The following PHLPP1 variants were observed in gnomAD, a reference collection of about 807,000 sequenced individuals.
The protein encoded by PHLPP1 is PH domain leucine-rich repeat-containing protein phosphatase 1.
Under a neutral mutation model 117.2 loss-of-function variants are expected in PHLPP1, and 42 were observed. The observed-to-expected ratio is 0.36, with a 90% CI of 0.28 to 0.46. PHLPP1 has a LOEUF of 0.46. Ranked by LOEUF, PHLPP1 falls within the 20% of genes least tolerant of loss-of-function variation. The pLI, the probability that PHLPP1 is intolerant of heterozygous loss-of-function variation, is 1.00. For missense variants in PHLPP1, 2,084 were observed against 2,241.9 expected (o/e 0.93, Z 1.42); for synonymous variants, 1,042 against 970.7 (o/e 1.07, Z -1.37).
chr18:62,854,102 G>A (rs1023698795), intron 3 of PHLPP1, among the ~76,000 whole-genome samples: 1 of 152,288 alleles, frequency 6.6e-6, no homozygotes, highest in African/African-American at 2.4e-5. Context: ...ATACTGTTAA[G>A]CTGGTGCCCT....
chr18:62,965,220 G>GT (rs1599144754), intron 14 of PHLPP1, among the ~76,000 whole-genome samples: 1 of 152,174 alleles, frequency 6.6e-6, no homozygotes, highest in African/African-American at 2.4e-5. Flanking sequence ...GTTTTTTGGT[G>GT]TTTTTTGTTT....
Position 62,952,183 on chromosome 18 carries a change from T to C in PHLPP1, c.3325-6446T>C, listed in dbSNP as rs540130222. ...GCTCATGCCTGTAATTCCAACACTT[T>C]GGGTGGCTGAGGTTGGAGGATTGCT... On this transcript the variant is annotated intron_variant, in intron 12 of 16. Coordinates refer to ENST00000262719, the MANE Select transcript of PHLPP1 (RefSeq NM_194449.4). 5.9e-5 allele frequency among the ~76,000 whole-genome samples: 9 copies of C among 152,176 alleles called. No homozygotes were observed. In the South Asian group the frequency reaches 1.9e-3, roughly 32 times the overall value.
intron 12 of PHLPP1, among the ~76,000 whole-genome samples, chr18:62,957,784 C>T (rs1440537862): frequency 2.0e-5 from 3 of 151,508 alleles, no homozygotes; most frequent in East Asian, 1.9e-4. Context: ...GGTGCGATCT[C>T]GGCTCACTGC....
chr18:62,786,259 CCT>C (rs1913281638), intron 1 of PHLPP1, among the ~76,000 whole-genome samples: 1 of 152,160 alleles, frequency 6.6e-6, no homozygotes, highest in Admixed American at 6.5e-5. Context: ...GTCTACAAGC[CCT>C]CTCCAGCAGA....
chr18:62,720,371 G>A (rs34326632), intron 1 of PHLPP1, among the ~76,000 whole-genome samples: 5,921 of 152,240 alleles, frequency 0.039, 144 homozygotes, highest in Middle Eastern at 0.061. Context: ...TCGAATTTTA[G>A]TAATGACAAA....
chr18:62,932,169 C>G (rs1909834061), intron 10 of PHLPP1, among the ~76,000 whole-genome samples: 1 of 152,100 alleles, frequency 6.6e-6, no homozygotes, highest in African/African-American at 2.4e-5. Context: ...CAGGTGAATT[C>G]ACATCCGAAT....
chr18:62,817,610 A>C (rs1914323849), intron 1 of PHLPP1, among the ~76,000 whole-genome samples: 1 of 152,102 alleles, frequency 6.6e-6, no homozygotes, highest in African/African-American at 2.4e-5. Flanking sequence ...GATAACTTCA[A>C]GTGTTTGTAA....
At chr18:62,822,353 C>G (rs964889648) in intron 1 of PHLPP1, among the ~76,000 whole-genome samples, 3 of 139,058 alleles carry the variant, frequency 2.2e-5, no homozygotes, top group African/African-American at 7.8e-5. Context: ...ATGATCTTGG[C>G]TCACTGCAAG....
At chr18:62,841,360 T>C (rs1429474715) in intron 3 of PHLPP1, among the ~76,000 whole-genome samples, 2 of 137,820 alleles carry the variant, frequency 1.5e-5, no homozygotes, top group African/African-American at 5.5e-5. Context: ...TGAGATGGAG[T>C]CTCGCTCTGT....
chr18:62,952,337 T>C (rs1019967932), intron 12 of PHLPP1, among the ~76,000 whole-genome samples: 3 of 152,200 alleles, frequency 2.0e-5, no homozygotes, highest in African/African-American at 7.2e-5. Context: ...AAGTCAAAAT[T>C]TGCAGATAAC....
intron 8 of PHLPP1, among the ~76,000 whole-genome samples, chr18:62,912,926 G>A (rs1016922739): frequency 3.3e-5 from 5 of 152,174 alleles, no homozygotes; most frequent in African/African-American, 4.8e-5. Context: ...CGGCCCAGAT[G>A]TATTTTCAAG....
intron 4 of PHLPP1, among the ~76,000 whole-genome samples, chr18:62,890,350 T>A (rs935979560): frequency 2.0e-5 from 3 of 152,148 alleles, no homozygotes; most frequent in African/African-American, 7.2e-5. Context: ...CACTGTAACC[T>A]CTGTCTCCCT....
intron 2 of PHLPP1, among the ~76,000 whole-genome samples, chr18:62,830,904 A>C (rs1914739987): frequency 6.6e-6 from 1 of 152,196 alleles, no homozygotes; most frequent in South Asian, 2.1e-4. Flanking sequence ...ACATTGACAC[A>C]TGCGGAGGGT....
chr18:62,746,756 T>A (rs1417939921), intron 1 of PHLPP1, among the ~76,000 whole-genome samples: 1 of 152,040 alleles, frequency 6.6e-6, no homozygotes, highest in Non-Finnish European at 1.5e-5. Flanking sequence ...TGAGATTTAT[T>A]CCTATATATT....
chr18:62,749,233 G>GTT (rs375058081), intron 1 of PHLPP1, among the ~76,000 whole-genome samples: 1 of 142,880 alleles, frequency 7.0e-6, no homozygotes. Context: ...TATATATAAG[G>GTT]TTTTTTTTTT....
chr18:62,912,317 A>T (rs4405646), intron 8 of PHLPP1, among the ~76,000 whole-genome samples: 5 of 113,010 alleles, frequency 4.4e-5, no homozygotes, highest in Admixed American at 2.3e-4. Context: ...AAAAAAAATT[A>T]AAAAAAAAAT....
At position 62,958,733 on chromosome 18, in the gene PHLPP1, T is replaced by C. The variant is rs1472939847; in HGVS notation, c.3429T>C (p.Leu1143=). The change falls in exon 13 of 17, where the codon CTT becomes CTC. Residue 1143 remains leucine (L), a synonymous_variant. Transcript: ENST00000262719. ...TGACTGGAAACCCGCGCCTTGTCCTTGATCACAAAACCCTGGAACTACTGA... is the reference window on the plus strand; with the variant it reads ...TGACTGGAAACCCGCGCCTTGTCCTCGATCACAAAACCCTGGAACTACTGA... ...LDLTGNPRLV[L]DHKTLELLNN... 1 of 1,613,890 alleles carries C rather than the reference T, an allele frequency of 6.2e-7. No individual in the cohort carries two copies. The highest frequency in any genetic ancestry group is 8.5e-7 in the Non-Finnish European group (1 of 1,179,892).
chr18:62,821,547 TC>T (rs536525629), intron 1 of PHLPP1, among the ~76,000 whole-genome samples: 1,796 of 30,374 alleles, frequency 0.059, 168 homozygotes, highest in Middle Eastern at 0.25. Context: ...AGACCCTTTA[TC>T]CAAAAAAAAA....
intron 15 of PHLPP1, 99 bp downstream of exon 15, chr18:62,972,807 A>G: frequency 1.1e-6 from 1 of 892,848 alleles, no homozygotes. Context: ...TCTCCAAGCC[A>G]TGTTTTTTGA....
Sources: allele counts gnomAD v4.1 joint callset (sites outside exome capture counted in the v4.1 genomes callset), GRCh38; gene constraint gnomAD v4.1.1; transcripts MANE v1.5; gene names NCBI Gene and HGNC (gene_info 2026-07-23, HGNC 2026-07-21).